The following MYO7B variants were observed in gnomAD, a reference collection of about 807,000 sequenced individuals.
The protein encoded by MYO7B is myosin VIIB, also known as unconventional myosin-VIIb.
In MYO7B, 212 loss-of-function variants were observed where a neutral mutation model predicts 259.7. The observed-to-expected ratio is 0.82, with a 90% CI of 0.73 to 0.91. The LOEUF (loss-of-function observed/expected upper bound fraction) is 0.91. MYO7B is among the 40% of genes least tolerant of loss of function. The pLI, the probability that MYO7B is intolerant of heterozygous loss-of-function variation, is 0.00. For missense variants in MYO7B, 2,732 were observed against 2,813.5 expected, an observed-to-expected ratio of 0.97 and a Z score of 0.66; for synonymous variants, 1,197 against 1,166.4, an observed-to-expected ratio of 1.03 and a Z score of -0.54.
In MYO7B at chr2:127,628,423, C is replaced by T. The variant is rs370830130; in HGVS notation, c.4512C>T (p.Tyr1504=). 5.9e-5 allele frequency: 94 copies of T among 1,598,060 alleles called. No individual in the cohort carries two copies. The highest frequency in any genetic ancestry group is 7.0e-5 in the Non-Finnish European group (82 of 1,174,220). Residue 1504 remains tyrosine (Y), a synonymous_variant, in exon 34 of 48, where the codon TAC becomes TAT. Transcript: ENST00000409816. The surrounding 1 kb of genome is among the most constrained non-coding windows in gnomAD (Gnocchi z 4.8). ...TGCTCTCCACGATGCATGAGGAGTA[C>T]GAGTTTGTGTCACCCAGCAGTGTGG... ...RLLLSTMHEE[Y]EFVSPSSVAI...
chr2:127,633,087 C>A (rs7559165), intron 39 of MYO7B, among the ~76,000 whole-genome samples, 171 bp from the exon 40 acceptor site: 1 of 152,186 alleles, frequency 6.6e-6, no homozygotes, highest in Non-Finnish European at 1.5e-5. Flanking sequence ...TCTGAGGCCG[C>A]GTGGAGCCAG....
chr2:127,635,937 G>A, intron 44 of MYO7B, 30 bp downstream of exon 44: 2 of 1,549,782 alleles, frequency 1.3e-6, no homozygotes, highest in African/African-American at 1.4e-5. Flanking sequence ...AAGGGTTCTT[G>A]TGCTGCTGCT....
At chr2:127,555,817 G>A (rs780611929) in intron 1 of MYO7B, among the ~76,000 whole-genome samples, 9 of 152,026 alleles carry the variant, frequency 5.9e-5, no homozygotes, top group Non-Finnish European at 1.0e-4. Context: ...GTGGCTTATC[G>A]TATGGTCTAT....
At chr2:127,574,296 G>A (rs1297757574) in intron 7 of MYO7B, among the ~76,000 whole-genome samples, 1 of 152,202 alleles carries the variant, frequency 6.6e-6, no homozygotes, top group Non-Finnish European at 1.5e-5. Flanking sequence ...GCACTTATGG[G>A]AGGCCAAAGC....
chr2:127,635,069 C>T (rs1207284280), intron 42 of MYO7B, 51 bp from the exon 43 acceptor site: 1 of 1,478,168 alleles, frequency 6.8e-7, no homozygotes, highest in Admixed American at 1.8e-5. Context: ...GGGGTCAGGG[C>T]TGGTGTACCT....
chr2:127,559,794 A>C lies in MYO7B; in HGVS notation c.18+54A>C, dbSNP rs1677994981. 3.8e-6 allele frequency: 6 copies of C among 1,594,636 alleles called. No individual in the cohort carries two copies. In the South Asian group the frequency reaches 6.6e-5, roughly 18 times the overall value. ...TTATTGGTGTAAGTTACTCAAGGCC[A>C]AGTTGAATCGCTCCCAAGGAAAGAG... On this transcript the variant is annotated intron_variant, in intron 2 of 47. Transcript: ENST00000409816. The surrounding 1 kb of genome is among the most constrained non-coding windows in gnomAD (Gnocchi z 4.1).
At position 127,584,713 on chromosome 2, in the gene MYO7B, T is replaced by G; in HGVS notation, c.1555-65T>G. 2 of 1,586,878 alleles carry G rather than the reference T, an allele frequency of 1.3e-6. No homozygotes were observed. The highest frequency in any genetic ancestry group is 1.7e-6 in the Non-Finnish European group (2 of 1,163,214). On this transcript the variant is annotated intron_variant, in intron 13 of 47. Coordinates refer to ENST00000409816, the MANE Select transcript of MYO7B (RefSeq NM_001393586.1). This position sits in a 1 kb window ranked among gnomAD's most constrained non-coding sequence, Gnocchi z 5.8. The stretch of plus-strand genomic sequence containing the variant: ...CTCTTTGCCTCCATGAGGAAGTCCC[T>G]GAGCCTCACCTCCCCATGGCTGGAC...
At chr2:127,601,576 T>C (rs1679964307) in intron 19 of MYO7B, among the ~76,000 whole-genome samples, 1 of 152,228 alleles carries the variant, frequency 6.6e-6, no homozygotes, top group Non-Finnish European at 1.5e-5. Flanking sequence ...TCTGGTTATC[T>C]CCTTTGCTCT....
intron 3 of MYO7B, 98 bp downstream of exon 3, chr2:127,564,364 G>T: frequency 2.1e-6 from 2 of 951,984 alleles, no homozygotes; most frequent in Middle Eastern, 2.9e-4. Context: ...AACACCAGGG[G>T]CTCCAAGGCC....
At chr2:127,634,984 TGTG>T in intron 42 of MYO7B, 133 bp from the exon 43 acceptor site, 1 of 714,762 alleles carries the variant, frequency 1.4e-6, no homozygotes. Context: ...TGAAGGAAAA[TGTG>T]GGGACTGGGG....
In MYO7B at chr2:127,593,397, A is replaced by T. The variant is rs989338099; in HGVS notation, c.2146-149A>T. The stretch of plus-strand genomic sequence containing the variant: ...CCCTCCTCACCCCAACCCCTATTCG[A>T]GGTTCCCGTTGTGCCTGTGCCTGGG... On this transcript the variant is annotated intron_variant, in intron 17 of 47. Transcript: ENST00000409816. 1.5e-5 allele frequency: 11 copies of T among 724,152 alleles called. No individual in the cohort carries two copies. In the African/African-American group the frequency reaches 2.0e-4, roughly 13 times the overall value. 44.9% of individuals were successfully genotyped at this position (724,152 alleles called of 1,614,324 possible).
At chr2:127,593,790 G>A (rs377601663) in intron 18 of MYO7B, 146 bp downstream of exon 18, 2 of 724,578 alleles carry the variant, frequency 2.8e-6, no homozygotes, top group Non-Finnish European at 2.4e-6. Context: ...CACCCTCAGG[G>A]CACCCCTGGA....
chr2:127,547,783 T>C lies in MYO7B; in HGVS notation c.-23-11917T>C, dbSNP rs573220218. Among the ~76,000 whole-genome samples, 7 of 152,302 alleles carry C rather than the reference T, an allele frequency of 4.6e-5. No individual in the cohort carries two copies. In the South Asian group the frequency reaches 1.0e-3, roughly 23 times the overall value. Reference sequence around the variant, plus strand: ...GAAGGAGAGTGCCTCAAGTTTTTTCTTCCTTTTAATGTCTTTATCTCATTT... The same window carrying C: ...GAAGGAGAGTGCCTCAAGTTTTTTCCTCCTTTTAATGTCTTTATCTCATTT... On this transcript the variant is annotated intron_variant, in intron 1 of 47. Transcript: ENST00000409816.
chr2:127,600,139 A>C (rs1287732901), intron 19 of MYO7B, among the ~76,000 whole-genome samples: 1 of 152,190 alleles, frequency 6.6e-6, no homozygotes, highest in Admixed American at 6.5e-5. Context: ...GAATTTTTTT[A>C]TAGAGAGTTT....
Position 127,636,361 on chromosome 2 carries a change from C to A in MYO7B, c.6123+37C>A. The A allele has an allele frequency of 1.3e-6, 2 of 1,572,162 alleles. No homozygotes were observed. Among genetic ancestry groups the A allele is most frequent in the Non-Finnish European group, 1.7e-6 (2 of 1,143,576 alleles). On this transcript the variant is annotated intron_variant, in intron 45 of 47. Coordinates refer to ENST00000409816, the MANE Select transcript of MYO7B (RefSeq NM_001393586.1). The surrounding 1 kb of genome is among the most constrained non-coding windows in gnomAD (Gnocchi z 4.5). The stretch of plus-strand genomic sequence containing the variant: ...CCCACGCCAGGGCCTCCTACCCAAG[C>A]AGGCTCCGCTCAGCCCAGCCCCAGC...
intron 38 of MYO7B, among the ~76,000 whole-genome samples, chr2:127,631,982 A>T (rs993830540): frequency 1.3e-5 from 2 of 152,178 alleles, no homozygotes; most frequent in African/African-American, 4.8e-5. Context: ...TCTGTGTGTG[A>T]CCTGGCAGGC....
intron 5 of MYO7B, 147 bp downstream of exon 5, chr2:127,566,974 G>A: frequency 2.4e-6 from 2 of 820,712 alleles, no homozygotes; most frequent in Non-Finnish European, 1.8e-6. Flanking sequence ...CAGTTACCCT[G>A]CACCCCGAGC....
At chr2:127,601,671 C>T (rs1035259706) in intron 19 of MYO7B, among the ~76,000 whole-genome samples, 7 of 152,038 alleles carry the variant, frequency 4.6e-5, no homozygotes, top group Non-Finnish European at 7.4e-5. Flanking sequence ...CTTTTACTTT[C>T]GGCCTACCTA....
At chr2:127,560,689 C>T (rs373999626) in intron 2 of MYO7B, among the ~76,000 whole-genome samples, 1 of 152,196 alleles carries the variant, frequency 6.6e-6, no homozygotes, top group Non-Finnish European at 1.5e-5. Context: ...GTGCATCCTT[C>T]CCTGCCCTCC....
Sources: allele counts gnomAD v4.1 joint callset (sites outside exome capture counted in the v4.1 genomes callset), GRCh38; gene constraint gnomAD v4.1.1; non-coding constraint Gnocchi (gnomAD v3.1); transcripts MANE v1.5; gene names NCBI Gene and HGNC (gene_info 2026-07-23, HGNC 2026-07-21).